The following LRRTM4 variants were observed in gnomAD, a reference collection of about 807,000 sequenced individuals.
LRRTM4 encodes leucine rich repeat transmembrane neuronal 4.
In LRRTM4, 25 loss-of-function variants were observed where a neutral mutation model predicts 47.6. That is an observed-to-expected ratio of 0.53 (90% CI 0.38 to 0.73). LRRTM4 has a LOEUF of 0.73. LRRTM4 is among the 30% of genes least tolerant of loss of function. LRRTM4 has a pLI of 0.00. For missense variants in LRRTM4, 638 were observed against 713.4 expected (o/e 0.89, Z 1.20); for synonymous variants, 311 against 269.5 (o/e 1.15, Z -1.51).
intron 3 of LRRTM4, among the ~76,000 whole-genome samples, chr2:77,083,823 C>T (rs1192111361): frequency 8.2e-4 from 14 of 17,058 alleles, no homozygotes; most frequent in South Asian, 2.8e-3. Flanking sequence ...TTTTTTTTTT[C>T]AGACGGAGTC....
At chr2:77,107,957 T>C (rs778403516) in intron 3 of LRRTM4, among the ~76,000 whole-genome samples, 145 of 151,878 alleles carry the variant, frequency 9.5e-4, no homozygotes, top group Non-Finnish European at 1.8e-3. Flanking sequence ...ACATACTAAA[T>C]ATTAGATATG....
At chr2:77,093,602 T>C (rs1306389345) in intron 3 of LRRTM4, among the ~76,000 whole-genome samples, 2 of 151,820 alleles carry the variant, frequency 1.3e-5, no homozygotes, top group Non-Finnish European at 2.9e-5. Context: ...CCCAAAAATT[T>C]TCGCTGCCCC....
At chr2:76,959,416 C>G (rs912405559) in intron 3 of LRRTM4, among the ~76,000 whole-genome samples, 1 of 150,976 alleles carries the variant, frequency 6.6e-6, no homozygotes, top group Non-Finnish European at 1.5e-5. Context: ...TATCTAATAA[C>G]TAAAATCAGA....
At chr2:76,796,074 G>C (rs1301962192) in intron 3 of LRRTM4, among the ~76,000 whole-genome samples, 2 of 129,946 alleles carry the variant, frequency 1.5e-5, no homozygotes, top group Non-Finnish European at 3.2e-5. Context: ...TGGAAAATCG[G>C]GTCACTCCCA....
chr2:77,297,892 G>T (rs889883313), intron 3 of LRRTM4, among the ~76,000 whole-genome samples: 1 of 152,160 alleles, frequency 6.6e-6, no homozygotes. Context: ...CATGGTCAAA[G>T]ACTTATTCAC....
intron 3 of LRRTM4, among the ~76,000 whole-genome samples, chr2:76,941,581 TGTTTTA>T (rs780102553): frequency 9.9e-5 from 15 of 152,042 alleles, no homozygotes; most frequent in Admixed American, 1.3e-4. Flanking sequence ...TTTTTGTTCC[TGTTTTA>T]GTTTGTTAAA....
In LRRTM4 at chr2:77,521,696, C is replaced by A; in HGVS notation, c.-25G>T. On this transcript the variant is annotated 5_prime_UTR_variant, in exon 2 of 4. Transcript: ENST00000409884. Reference sequence around the variant, plus strand: ...TCCTTTGTCATCCAAAAACGTTTCCCCCCTCTCTCAGCTTTCTTCTTATTT... The same window carrying A: ...TCCTTTGTCATCCAAAAACGTTTCCACCCTCTCTCAGCTTTCTTCTTATTT... 1 of 1,611,908 alleles carries A rather than the reference C, an allele frequency of 6.2e-7. No homozygotes were observed. Among genetic ancestry groups the A allele is most frequent in the African/African-American group, 1.3e-5 (1 of 74,654 alleles).
intron 3 of LRRTM4, among the ~76,000 whole-genome samples, chr2:77,123,979 A>G (rs572641743): frequency 3.3e-4 from 50 of 152,264 alleles, no homozygotes; most frequent in Middle Eastern, 6.8e-3. Flanking sequence ...TTGGTGAGCC[A>G]AGGAAATGTT....
At chr2:77,329,221 CA>C (rs898084449) in intron 3 of LRRTM4, among the ~76,000 whole-genome samples, 4 of 152,004 alleles carry the variant, frequency 2.6e-5, no homozygotes, top group Non-Finnish European at 5.9e-5. Flanking sequence ...CTCAAATTAC[CA>C]AAAAAATTGT....
intron 3 of LRRTM4, among the ~76,000 whole-genome samples, chr2:77,031,245 G>A (rs1052556983): frequency 6.6e-6 from 1 of 152,064 alleles, no homozygotes; most frequent in African/African-American, 2.4e-5. Flanking sequence ...GTAGCTAAGT[G>A]TACTATGCAT....
intron 3 of LRRTM4, among the ~76,000 whole-genome samples, chr2:77,384,493 C>T (rs1044919876): frequency 6.6e-6 from 1 of 151,726 alleles, no homozygotes; most frequent in African/African-American, 2.4e-5. Flanking sequence ...CTTATCACTA[C>T]TTTGCTTACT....
At chr2:76,991,004 C>G (rs934812492) in intron 3 of LRRTM4, among the ~76,000 whole-genome samples, 3 of 151,648 alleles carry the variant, frequency 2.0e-5, no homozygotes, top group African/African-American at 7.3e-5. Flanking sequence ...TCTCTGTAAA[C>G]CACACAGTTA....
chr2:77,499,255 G>A (rs112986623), intron 3 of LRRTM4, among the ~76,000 whole-genome samples: 35 of 151,960 alleles, frequency 2.3e-4, no homozygotes, highest in African/African-American at 6.7e-4. Flanking sequence ...TACCTGGTCC[G>A]AAATGTCAAT....
chr2:77,327,883 G>A (rs1364061323), intron 3 of LRRTM4, among the ~76,000 whole-genome samples: 3 of 152,118 alleles, frequency 2.0e-5, no homozygotes, highest in Non-Finnish European at 4.4e-5. Context: ...GAGGAACTGA[G>A]AAAGAGGGAA....
intron 3 of LRRTM4, among the ~76,000 whole-genome samples, chr2:76,965,302 A>G (rs920092976): frequency 1.1e-4 from 17 of 151,318 alleles, no homozygotes; most frequent in African/African-American, 4.1e-4. Context: ...ACAATCCTCA[A>G]CAAAATATTA....
rs200272534 is a variant in LRRTM4 at position 77,120,449 on chromosome 2, G to A, written c.1552-371533C>T. On this transcript the variant is annotated intron_variant, in intron 3 of 3. Coordinates refer to ENST00000409884, the MANE Select transcript of LRRTM4 (RefSeq NM_001134745.3). ...CAAAAGATTTGCTTTATTCAAGATT[G>A]AAGAAAGCAATTTGAGAAAATAAAT... Among the ~76,000 whole-genome samples the A allele has an allele frequency of 3.0e-4, 45 of 151,874 alleles. 1 individual carries two copies. In the East Asian group the frequency reaches 4.8e-3, roughly 16 times the overall value.
At chr2:76,798,723 AAG>A (rs1161934549) in intron 3 of LRRTM4, among the ~76,000 whole-genome samples, 4 of 151,232 alleles carry the variant, frequency 2.6e-5, no homozygotes, top group Non-Finnish European at 5.9e-5. Context: ...TAAAGAAGAA[AAG>A]AGAGAAGAAT....
intron 3 of LRRTM4, among the ~76,000 whole-genome samples, chr2:77,436,365 A>C (rs1221331817): frequency 6.6e-6 from 1 of 152,106 alleles, no homozygotes; most frequent in Non-Finnish European, 1.5e-5. Context: ...CTGTCTTTGA[A>C]TAGCAATGCT....
intron 3 of LRRTM4, among the ~76,000 whole-genome samples, chr2:76,752,510 T>G (rs1055473419): frequency 7.2e-5 from 11 of 152,170 alleles, no homozygotes; most frequent in Admixed American, 7.2e-4. Context: ...GCTTAAAACC[T>G]CTTGGAGAGT....
Sources: allele counts gnomAD v4.1 joint callset (sites outside exome capture counted in the v4.1 genomes callset), GRCh38; gene constraint gnomAD v4.1.1; transcripts MANE v1.5; gene names NCBI Gene and HGNC (gene_info 2026-07-23, HGNC 2026-07-21).